The following GRK5 variants were observed in gnomAD, a reference collection of about 807,000 sequenced individuals.
GRK5 encodes the protein G protein-coupled receptor kinase 5.
Under a neutral mutation model 78.4 loss-of-function variants are expected in GRK5, and 40 were observed. The observed-to-expected ratio is 0.51, with a 90% CI of 0.40 to 0.66. The LOEUF is 0.66. Ranked by LOEUF, GRK5 falls within the 30% of genes least tolerant of loss-of-function variation. GRK5 has a pLI of 0.00. For missense variants in GRK5, 598 were observed against 759.9 expected, an observed-to-expected ratio of 0.79 and a Z score of 2.50; for synonymous variants, 289 against 296.8, an observed-to-expected ratio of 0.97 and a Z score of 0.27.
At chr10:119,383,486 C>G (rs991496792) in intron 3 of GRK5, among the ~76,000 whole-genome samples, 5 of 152,260 alleles carry the variant, frequency 3.3e-5, no homozygotes, top group African/African-American at 1.2e-4. Flanking sequence ...AACAGAGGCA[C>G]TTCCTTTTGA....
chr10:119,212,337 C>A (rs143365954), intron 1 of GRK5, among the ~76,000 whole-genome samples: 1 of 152,222 alleles, frequency 6.6e-6, no homozygotes, highest in Admixed American at 6.5e-5. Context: ...CTTTCAGTAG[C>A]TTAGCTGCTG....
chr10:119,207,838 GAGCAGC>G lies in GRK5; in HGVS notation c.-79_-74del. On this transcript the variant is annotated 5_prime_UTR_variant, in exon 1 of 16. Transcript: ENST00000392870. ...GCTCCGGCAGCAGCGGCGGCAGCCC[GAGCAGC>G]GGCAGCAGCAGCGGCAGCACCCCAG... The G allele has an allele frequency of 1.0e-5, 14 of 1,381,098 alleles. No homozygotes were observed. The highest frequency in any genetic ancestry group is 1.4e-5 in the Non-Finnish European group (14 of 1,012,910). The allele number at this position is 1,381,098 out of a possible 1,614,324, so 85.6% of individuals were successfully genotyped here. A position where few individuals can be genotyped will look rare whatever the true frequency, so the allele number is the denominator to read the frequency against.
chr10:119,299,432 C>CA (rs35231977), intron 1 of GRK5, among the ~76,000 whole-genome samples: 47,103 of 123,744 alleles, frequency 0.38, 8,000 homozygotes, highest in East Asian at 0.75. Context: ...GACTCCAGCT[C>CA]AAAAAAAAAA....
At chr10:119,305,695 TGCCCA>T (rs1850262788) in intron 1 of GRK5, among the ~76,000 whole-genome samples, 1 of 152,248 alleles carries the variant, frequency 6.6e-6, no homozygotes, top group East Asian at 1.9e-4. Flanking sequence ...CACGTGTAAG[TGCCCA>T]GAGCAACGTC....
Position 119,350,861 on chromosome 10 carries a change from C to T in GRK5, c.148+24250C>T, listed in dbSNP as rs148992135. Among the ~76,000 whole-genome samples the T allele has an allele frequency of 6.2e-3, 939 of 152,304 alleles. 5 individuals are homozygous for T. Among genetic ancestry groups the T allele is most frequent in the Non-Finnish European group, 0.011 (779 of 68,018 alleles). ...AGCACAGCAGAAGAATTTGGACAGC[C>T]CTCAGAATGTGCTGGAATGGAATTT... On this transcript the variant is annotated intron_variant, in intron 2 of 15. Coordinates refer to ENST00000392870, the MANE Select transcript of GRK5 (RefSeq NM_005308.3).
intron 1 of GRK5, among the ~76,000 whole-genome samples, chr10:119,211,295 G>C (rs1848482464): frequency 1.3e-5 from 2 of 152,192 alleles, no homozygotes; most frequent in Admixed American, 6.5e-5. Flanking sequence ...AAGTGATTAA[G>C]CATTTCATGA....
intron 1 of GRK5, among the ~76,000 whole-genome samples, chr10:119,247,315 G>A (rs978860247): frequency 1.3e-5 from 2 of 152,174 alleles, no homozygotes; most frequent in African/African-American, 4.8e-5. Context: ...AGAAAAATAC[G>A]ATGACCTGGA....
intron 2 of GRK5, chr10:119,378,000 G>GGGC (rs2133827536): frequency 6.5e-6 from 1 of 154,540 alleles, no homozygotes; most frequent in South Asian, 2.0e-4. Context: ...TGTATCTGCA[G>GGGC]GGCATTGTGC....
At chr10:119,428,347 A>T (rs1229435201) in intron 6 of GRK5, among the ~76,000 whole-genome samples, 1 of 152,232 alleles carries the variant, frequency 6.6e-6, no homozygotes, top group Admixed American at 6.5e-5. Context: ...TTGTGTGAGG[A>T]TTATAGAAGC....
chr10:119,415,106 AAAAG>A (rs1852423488), intron 4 of GRK5, among the ~76,000 whole-genome samples: 4 of 151,262 alleles, frequency 2.6e-5, no homozygotes, highest in East Asian at 3.9e-4. Context: ...AAAAAAAAGA[AAAAG>A]AAAAAAGAAA....
chr10:119,326,862 C>T (rs1589746573), intron 2 of GRK5, among the ~76,000 whole-genome samples: 1 of 152,250 alleles, frequency 6.6e-6, no homozygotes, highest in Non-Finnish European at 1.5e-5. Context: ...TCCCAGTTAT[C>T]CTTTGAGGCA....
At chr10:119,346,450 A>G (rs1266237411) in intron 2 of GRK5, among the ~76,000 whole-genome samples, 1 of 152,226 alleles carries the variant, frequency 6.6e-6, no homozygotes, top group Non-Finnish European at 1.5e-5. Flanking sequence ...TGGGTCAGGA[A>G]AGAAAAAGCC....
chr10:119,218,990 C>T (rs1007764380), intron 1 of GRK5, among the ~76,000 whole-genome samples: 9 of 148,628 alleles, frequency 6.1e-5, no homozygotes, highest in Non-Finnish European at 8.8e-5. Flanking sequence ...CTCCGCTTCC[C>T]GGGTTCAAGC....
At chr10:119,335,059 C>G (rs1379348100) in intron 2 of GRK5, 1 of 146,832 alleles carries the variant, frequency 6.8e-6, no homozygotes, top group Admixed American at 7.0e-5. Flanking sequence ...TGAAGATTTC[C>G]TTGAAGTAGT....
At chr10:119,213,659 A>G (rs1848524537) in intron 1 of GRK5, among the ~76,000 whole-genome samples, 1 of 152,210 alleles carries the variant, frequency 6.6e-6, no homozygotes, top group African/African-American at 2.4e-5. Context: ...GGGGGCAGAG[A>G]TAATGTCATT....
At chr10:119,359,164 A>T (rs192844309) in intron 2 of GRK5, among the ~76,000 whole-genome samples, 1 of 152,154 alleles carries the variant, frequency 6.6e-6, no homozygotes, top group East Asian at 1.9e-4. Flanking sequence ...GCATCAGAGG[A>T]GCCATTTGGA....
At chr10:119,289,638 A>G (rs998271790) in intron 1 of GRK5, among the ~76,000 whole-genome samples, 25 of 152,194 alleles carry the variant, frequency 1.6e-4, no homozygotes, top group African/African-American at 5.8e-4. Context: ...ACCCGGAGAA[A>G]CATGGCTTCT....
At chr10:119,369,886 C>T (rs1328189482) in intron 2 of GRK5, among the ~76,000 whole-genome samples, 1 of 152,166 alleles carries the variant, frequency 6.6e-6, no homozygotes, top group Non-Finnish European at 1.5e-5. Context: ...CCTGCCGTTC[C>T]CTCAGTCCAC....
chr10:119,439,806 G>T, intron 10 of GRK5, 38 bp downstream of exon 10: 1 of 1,600,288 alleles, frequency 6.2e-7, no homozygotes. Context: ...GGTGAGCATT[G>T]CAACCCCAAG....
Sources: allele counts gnomAD v4.1 joint callset (sites outside exome capture counted in the v4.1 genomes callset), GRCh38; gene constraint gnomAD v4.1.1; transcripts MANE v1.5; gene names NCBI Gene and HGNC (gene_info 2026-07-23, HGNC 2026-07-21).